MME: variants seen among roughly 807,000 people sequenced by gnomAD.
MME encodes the protein neprilysin.
A neutral mutation model predicts 113.2 loss-of-function variants in MME; 98 were observed. The observed-to-expected ratio is 0.87, with a 90% CI of 0.74 to 1.02. MME has a LOEUF of 1.02. Ranked by LOEUF, MME falls within the 50% of genes least tolerant of loss-of-function variation. The pLI is 0.00. For synonymous variants in MME, 292 were observed against 300.6 expected, an observed-to-expected ratio of 0.97 and a Z score of 0.30; for missense variants, 836 against 896.0, an observed-to-expected ratio of 0.93 and a Z score of 0.86.
At chr3:155,138,409 A>G (rs1439857921) in intron 9 of MME, among the ~76,000 whole-genome samples, 173 bp downstream of exon 9, 1 of 152,162 alleles carries the variant, frequency 6.6e-6, no homozygotes, top group Admixed American at 6.5e-5. Context: ...AAAGAATTTT[A>G]TAGTAAACTG....
chr3:155,130,102 T>C (rs1411625298), intron 8 of MME, among the ~76,000 whole-genome samples: 1 of 152,192 alleles, frequency 6.6e-6, no homozygotes, highest in Non-Finnish European at 1.5e-5. Flanking sequence ...ATCTGAAGAT[T>C]AGGAATCCAA....
Position 155,085,103 on chromosome 3 carries a change from T to C in MME, c.196+9T>C. On this transcript the variant is annotated intron_variant, in intron 3 of 22. Coordinates refer to ENST00000360490, the MANE Select transcript of MME (RefSeq NM_007289.4). ...AGACTGCATAAAATCAGGTAAGAAA[T>C]GGTTTTTACGTGTAATAGTTATACA... is the stretch of plus-strand genomic sequence containing the variant. 6.4e-7 allele frequency: 1 copy of C among 1,562,946 alleles called. No homozygotes were observed. The highest frequency in any genetic ancestry group is 2.3e-5 in the East Asian group (1 of 44,298).
Position 155,181,690 on chromosome 3 carries a change from G to A in MME, c.*1231G>A, listed in dbSNP as rs908517130. 2 of 152,116 alleles carry A rather than the reference G, an allele frequency of 1.3e-5. No homozygotes were observed. The highest frequency in any genetic ancestry group is 2.9e-5 in the Non-Finnish European group (2 of 68,026). 9.4% of individuals were successfully genotyped at this position (152,116 alleles called of 1,614,324 possible). ...CTTCTAGAATTATAAGTCACAAAGA[G>A]TTCTGGAAAAGAACTGTTTACTGCT... is the stretch of plus-strand genomic sequence containing the variant. On this transcript the variant is annotated 3_prime_UTR_variant, in exon 23 of 23. Transcript: ENST00000360490.
chr3:155,175,944 C>T (rs1193946103), intron 22 of MME, among the ~76,000 whole-genome samples: 1 of 152,008 alleles, frequency 6.6e-6, no homozygotes, highest in African/African-American at 2.4e-5. Context: ...TCTGTTAGCC[C>T]CTCCAATCTT....
Position 155,098,724 on chromosome 3 carries a change from C to T in MME, c.196+13630C>T, listed in dbSNP as rs567694280. ...CGAGATGAAGATTTCAGAGGTACAA[C>T]TGTTCTGGGTGATGAGAACATTAAG... On this transcript the variant is annotated intron_variant, in intron 3 of 22. Transcript: ENST00000360490. Among the ~76,000 whole-genome samples the T allele has an allele frequency of 2.0e-4, 31 of 152,150 alleles. No individual in the cohort carries two copies. In the South Asian group the frequency reaches 5.4e-3, roughly 27 times the overall value.
intron 3 of MME, among the ~76,000 whole-genome samples, chr3:155,102,119 A>G (rs915775481): frequency 1.5e-4 from 23 of 152,252 alleles, no homozygotes; most frequent in African/African-American, 5.3e-4. Context: ...AATGAGCAAT[A>G]AAAGTCATTT....
At chr3:155,058,827 TC>T (rs574331192) in intron 1 of MME, among the ~76,000 whole-genome samples, 24 of 152,308 alleles carry the variant, frequency 1.6e-4, no homozygotes, top group African/African-American at 5.5e-4. Flanking sequence ...CAAAACTGCT[TC>T]ATGAAGAAGA....
At chr3:155,043,037 T>C (rs1713416649) in intron 1 of MME, among the ~76,000 whole-genome samples, 1 of 147,530 alleles carries the variant, frequency 6.8e-6, no homozygotes, top group East Asian at 2.0e-4. Context: ...TTTTGTTTTT[T>C]TAATTTTGTT....
At chr3:155,143,670 T>G in intron 13 of MME, 99 bp downstream of exon 13, 2 of 1,412,204 alleles carry the variant, frequency 1.4e-6, no homozygotes, top group Non-Finnish European at 2.0e-6. Flanking sequence ...GGCTAAAATT[T>G]TATTAATTTA....
chr3:155,119,410 C>CTT (rs781633297), intron 8 of MME, among the ~76,000 whole-genome samples: 35 of 112,290 alleles, frequency 3.1e-4, no homozygotes, highest in African/African-American at 6.7e-4. Flanking sequence ...TTCACGTGCT[C>CTT]TTTTTTTTTT....
chr3:155,132,662 C>T (rs1720229563), intron 8 of MME, among the ~76,000 whole-genome samples: 1 of 152,016 alleles, frequency 6.6e-6, no homozygotes, highest in Non-Finnish European at 1.5e-5. Context: ...TGACTCTGGC[C>T]TCTGTTGTAA....
At chr3:155,127,627 G>A (rs1175954169) in intron 8 of MME, among the ~76,000 whole-genome samples, 1 of 152,162 alleles carries the variant, frequency 6.6e-6, no homozygotes, top group East Asian at 1.9e-4. Context: ...ATGTCATTTA[G>A]CATACTCTGC....
intron 4 of MME, 122 bp downstream of exon 4, chr3:155,115,277 A>C: frequency 1.6e-6 from 2 of 1,234,614 alleles, no homozygotes; most frequent in Non-Finnish European, 2.3e-6. Flanking sequence ...TAATCCTTCC[A>C]GGATTTGTGT....
rs1288046843 is a variant in MME, at chr3:155,118,809, G to A, written c.718G>A (p.Glu240Lys). The A allele has an allele frequency of 3.8e-6, 6 of 1,579,564 alleles. No individual in the cohort carries two copies. Residue 240 changes from glutamate (E) to lysine (K), a missense_variant and splice_region_variant, in exon 8 of 23, where the codon GAG becomes AAG. Physicochemically the swap from Glu to Lys is moderately conservative, Grantham distance 56. Coordinates refer to ENST00000360490, the MANE Select transcript of MME (RefSeq NM_007289.4). ...DYYECTGIYK[E>K]ACTAYVDFMI... ...CTATGAATGCACTGGAATCTATAAA[G>A]AGGTAAAAAGAAAAAAAATAATCAA...
At chr3:155,074,651 C>T (rs1038985618) in intron 1 of MME, among the ~76,000 whole-genome samples, 1 of 152,002 alleles carries the variant, frequency 6.6e-6, no homozygotes, top group Admixed American at 6.6e-5. Flanking sequence ...AGGCTGGTCT[C>T]GAACTCCTGA....
At chr3:155,039,550 A>T (rs1440411576) in intron 1 of MME, among the ~76,000 whole-genome samples, 2 of 152,208 alleles carry the variant, frequency 1.3e-5, no homozygotes, top group African/African-American at 4.8e-5. Context: ...AAGAATAGTA[A>T]GGCAGATCTT....
At chr3:155,118,666 A>G (rs568286850) in intron 7 of MME, 80 bp from the exon 8 acceptor site, 7 of 910,588 alleles carry the variant, frequency 7.7e-6, no homozygotes, top group East Asian at 5.3e-5. Flanking sequence ...TTTCACATAC[A>G]TAGATAGACA....
rs60386460 is a variant in MME at position 155,150,518 on chromosome 3, G to A, written c.1601+1865G>A. Among the ~76,000 whole-genome samples, 894 of 152,200 alleles carry A rather than the reference G, an allele frequency of 5.9e-3. 7 individuals carry two copies. Among genetic ancestry groups the A allele is most frequent in the African/African-American group, 0.021 (861 of 41,526 alleles). On this transcript the variant is annotated intron_variant, in intron 16 of 22. Coordinates refer to ENST00000360490, the MANE Select transcript of MME (RefSeq NM_007289.4). ...TCTAAGGTCTTCTCTGCTATATGGA[G>A]CCAGCTTTCCTTTCTTTCCTATAGT...
chr3:155,033,947 C>A (rs946409539), intron 1 of MME, among the ~76,000 whole-genome samples: 1 of 152,164 alleles, frequency 6.6e-6, no homozygotes, highest in African/African-American at 2.4e-5. Context: ...GGGAGACATT[C>A]CTTAAACCTA....
Sources: gnomAD v4.1 joint callset for allele counts (sites outside exome capture counted in the v4.1 genomes callset) on GRCh38, gnomAD v4.1.1 for gene constraint, MANE v1.5 for transcripts, NCBI Gene and HGNC (gene_info 2026-07-23, HGNC 2026-07-21) for gene names.